The following RNF152 variants were observed in gnomAD, a reference collection of about 807,000 sequenced individuals.
RNF152 encodes the protein E3 ubiquitin-protein ligase RNF152.
A neutral mutation model predicts 12.7 loss-of-function variants in RNF152; 11 were observed. The ratio of observed to expected loss-of-function variants is 0.86; its 90% confidence interval spans 0.54 to 1.43. RNF152 has a LOEUF of 1.43. Ranked by LOEUF, RNF152 falls within the 40% of genes most tolerant of loss-of-function variation. The pLI, the probability that RNF152 is intolerant of heterozygous loss-of-function variation, is 0.00. For missense variants in RNF152, 255 were observed against 274.8 expected (o/e 0.93, Z 0.51); for synonymous variants, 113 against 120.3 (o/e 0.94, Z 0.40).
intron 1 of RNF152, among the ~76,000 whole-genome samples, chr18:61,833,165 G>A (rs1396041556): frequency 6.6e-6 from 1 of 152,124 alleles, no homozygotes; most frequent in African/African-American, 2.4e-5. Flanking sequence ...TGAAGATGTA[G>A]CAATACTAGG....
In RNF152 at chr18:61,835,992, T is replaced by C. The variant is rs570928662; in HGVS notation, c.-135-19394A>G. 2.6e-5 allele frequency among the ~76,000 whole-genome samples: 4 copies of C among 152,296 alleles called. No individual in the cohort carries two copies. The East Asian group carries it at 5.8e-4, about 22-fold the overall frequency. ...GGAACATAGTTGTACTGAATTTAAA[T>C]TGGAACCATCAGATTACACCCATGA... On this transcript the variant is annotated intron_variant, in intron 1 of 1. Coordinates refer to ENST00000312828, the MANE Select transcript of RNF152 (RefSeq NM_173557.3).
Position 61,816,209 on chromosome 18 carries a change from G to A in RNF152, c.255C>T (p.Ser85=), listed in dbSNP as rs775804132. 40 of 1,614,120 alleles carry A rather than the reference G, an allele frequency of 2.5e-5. No homozygotes were observed. The highest frequency in any genetic ancestry group is 6.7e-5 in the African/African-American group (5 of 74,940). The part of the protein sequence containing the change: ...VLAVIAIPHT[S]EHTPVFIKLP... ...GTTTGATGAAGACCGGGGTGTGTTC[G>A]GAAGTGTGTGGAATGGCGATGACAG... is the stretch of plus-strand genomic sequence containing the variant. The change falls in exon 2 of 2, where the codon TCC becomes TCT. Residue 85 remains serine (S), a synonymous_variant. Coordinates refer to ENST00000312828, the MANE Select transcript of RNF152 (RefSeq NM_173557.3).
chr18:61,835,520 G>C (rs1910140111), intron 1 of RNF152, among the ~76,000 whole-genome samples: 1 of 152,206 alleles, frequency 6.6e-6, no homozygotes. Flanking sequence ...TGGGAACAGA[G>C]AGGAAAGGCA....
At position 61,809,550 on chromosome 18, in the gene RNF152, G is replaced by A. The variant is rs189844229; in HGVS notation, c.*6302C>T. 1 of 152,130 alleles carries A rather than the reference G, an allele frequency of 6.6e-6. No individual in the cohort carries two copies. Among genetic ancestry groups the A allele is most frequent in the Non-Finnish European group, 1.5e-5 (1 of 68,024 alleles). 9.4% of individuals were successfully genotyped at this position (152,130 alleles called of 1,614,324 possible). A position where few individuals can be genotyped will look rare whatever the true frequency, so the allele number is the denominator to read the frequency against. ...CTCACACCCCAAGGAGATTACAGAA[G>A]ACTTTCACATGGGCTACTAGCCCTA... On this transcript the variant is annotated 3_prime_UTR_variant, in exon 2 of 2. Transcript: ENST00000312828.
intron 1 of RNF152, among the ~76,000 whole-genome samples, chr18:61,847,881 A>C (rs1234422509): frequency 6.6e-6 from 1 of 152,016 alleles, no homozygotes; most frequent in Non-Finnish European, 1.5e-5. Flanking sequence ...ACCTCCTTCA[A>C]GTCTGAGCTC....
At chr18:61,860,725 C>G (rs1049714935) in intron 1 of RNF152, among the ~76,000 whole-genome samples, 5 of 152,180 alleles carry the variant, frequency 3.3e-5, no homozygotes, top group African/African-American at 1.2e-4. Context: ...GCAAGTGGTT[C>G]AGGAGGTATC....
chr18:61,819,078 T>G (rs1909254979), intron 1 of RNF152, among the ~76,000 whole-genome samples: 1 of 152,224 alleles, frequency 6.6e-6, no homozygotes, highest in South Asian at 2.1e-4. Context: ...ATTACAGAAT[T>G]ATTTTCTATT....
intron 1 of RNF152, among the ~76,000 whole-genome samples, chr18:61,877,617 T>G (rs888401904): frequency 6.6e-6 from 1 of 152,238 alleles, no homozygotes. Flanking sequence ...CAAAGCTGCT[T>G]GTTAATCACA....
Position 61,873,493 on chromosome 18 carries a change from G to A in RNF152, c.-136+19302C>T, listed in dbSNP as rs373015019. Among the ~76,000 whole-genome samples, 51 of 152,108 alleles carry A rather than the reference G, an allele frequency of 3.4e-4. No individual in the cohort carries two copies. The East Asian group carries it at 5.6e-3, about 17-fold the overall frequency. On this transcript the variant is annotated intron_variant, in intron 1 of 1. Coordinates refer to ENST00000312828, the MANE Select transcript of RNF152 (RefSeq NM_173557.3). Reference sequence around the variant, plus strand: ...GCTGGGATTACAGGCACGCCACCACGCCTGGCTAATTTTGTATTTCTAGTA... The same window carrying A: ...GCTGGGATTACAGGCACGCCACCACACCTGGCTAATTTTGTATTTCTAGTA...
chr18:61,860,022 C>T lies in RNF152; in HGVS notation c.-136+32773G>A, dbSNP rs375943078. On this transcript the variant is annotated intron_variant, in intron 1 of 1. Coordinates refer to ENST00000312828, the MANE Select transcript of RNF152 (RefSeq NM_173557.3). ...AGGGTGGGCCCTTAATCCAACATGACTAGTGTCCTTTAATACAGAAAAGAC... is the reference window on the plus strand; with the variant it reads ...AGGGTGGGCCCTTAATCCAACATGATTAGTGTCCTTTAATACAGAAAAGAC... 7.2e-5 allele frequency among the ~76,000 whole-genome samples: 11 copies of T among 152,230 alleles called. No homozygotes were observed. The East Asian group carries it at 1.4e-3, about 19-fold the overall frequency.
In RNF152 at chr18:61,855,712, G is replaced by A. The variant is rs552217315; in HGVS notation, c.-136+37083C>T. ...TCACCACACAATCTCATCACTCCAC[G>A]TCTGGCTCGCCCTTGGCAGGTGTGG... On this transcript the variant is annotated intron_variant, in intron 1 of 1. Transcript: ENST00000312828. Among the ~76,000 whole-genome samples the A allele has an allele frequency of 1.1e-3, 160 of 152,168 alleles. 12 individuals are homozygous for A. The highest frequency in any genetic ancestry group is 4.4e-4 in the Non-Finnish European group (30 of 68,036).
Position 61,809,745 on chromosome 18 carries a change from T to TA in RNF152, c.*6106dup, listed in dbSNP as rs1022628709. On this transcript the variant is annotated 3_prime_UTR_variant, in exon 2 of 2. Transcript: ENST00000312828. ...TAAAAATATCATAGTATGAATAATATAAAAAACCTTAGATTAGAATAATAA... is the reference window on the plus strand; with the variant it reads ...TAAAAATATCATAGTATGAATAATATAAAAAAACCTTAGATTAGAATAATAA... 8 of 146,376 alleles carry TA rather than the reference T, an allele frequency of 5.5e-5. No individual in the cohort carries two copies. Among genetic ancestry groups the TA allele is most frequent in the Non-Finnish European group, 8.9e-5 (6 of 67,214 alleles). 9.1% of individuals were successfully genotyped at this position (146,376 alleles called of 1,614,324 possible).
chr18:61,855,581 T>C (rs1484606406), intron 1 of RNF152, among the ~76,000 whole-genome samples: 1 of 152,252 alleles, frequency 6.6e-6, no homozygotes, highest in Non-Finnish European at 1.5e-5. Context: ...CTGGTGCAGC[T>C]GCAGCTTCGC....
At chr18:61,838,362 T>G (rs1599281655) in intron 1 of RNF152, among the ~76,000 whole-genome samples, 1 of 152,184 alleles carries the variant, frequency 6.6e-6, no homozygotes, top group Non-Finnish European at 1.5e-5. Flanking sequence ...GGGACCAAAG[T>G]AGCAATCACA....
In RNF152 at chr18:61,883,792, TG is replaced by T. The variant is rs528900089; in HGVS notation, c.-136+9002del. On this transcript the variant is annotated intron_variant, in intron 1 of 1. Transcript: ENST00000312828. ...TCCTTTAAGGAAGACTCAGGTTGCC[TG>T]GGGGCTAGCTCAGAACCCTTTCTCA... 2.4e-3 allele frequency among the ~76,000 whole-genome samples: 359 copies of T among 152,288 alleles called. 2 individuals are homozygous for T. The highest frequency in any genetic ancestry group is 8.0e-3 in the African/African-American group (334 of 41,556).
intron 1 of RNF152, among the ~76,000 whole-genome samples, chr18:61,849,698 T>C (rs890708059): frequency 6.6e-6 from 1 of 152,250 alleles, no homozygotes; most frequent in Non-Finnish European, 1.5e-5. Context: ...GACTGAATCC[T>C]CATTGAATGA....
At chr18:61,874,539 A>G (rs2144743717) in intron 1 of RNF152, among the ~76,000 whole-genome samples, 1 of 152,340 alleles carries the variant, frequency 6.6e-6, no homozygotes, top group East Asian at 1.9e-4. Flanking sequence ...TAAGAGACAT[A>G]ACAGTTCTCA....
chr18:61,851,507 T>C (rs113674285), intron 1 of RNF152, among the ~76,000 whole-genome samples: 202 of 152,266 alleles, frequency 1.3e-3, no homozygotes, highest in African/African-American at 4.5e-3. Flanking sequence ...ATCTCATCCT[T>C]ACAACAGCCC....
rs114355576 is a variant in RNF152, at chr18:61,881,113, C to T, written c.-136+11682G>A. Reference sequence around the variant, plus strand: ...ATTTTTAGTAGAGATAGGGTTTCCTCATATTAGTCAGGCTGGTCTCAAACA... The same window carrying T: ...ATTTTTAGTAGAGATAGGGTTTCCTTATATTAGTCAGGCTGGTCTCAAACA... On this transcript the variant is annotated intron_variant, in intron 1 of 1. Transcript: ENST00000312828. Among the ~76,000 whole-genome samples the T allele has an allele frequency of 7.8e-3, 1,179 of 152,118 alleles. 15 individuals carry two copies. Among genetic ancestry groups the T allele is most frequent in the African/African-American group, 0.027 (1,102 of 41,500 alleles).
Sources: allele counts gnomAD v4.1 joint callset (sites outside exome capture counted in the v4.1 genomes callset), GRCh38; gene constraint gnomAD v4.1.1; transcripts MANE v1.5; gene names NCBI Gene and HGNC (gene_info 2026-07-23, HGNC 2026-07-21).